Variants in SP1 observed in about 807,000 individuals in gnomAD.
The protein encoded by SP1 is transcription factor Sp1.
A neutral mutation model predicts 66.3 loss-of-function variants in SP1; 6 were observed. That is an observed-to-expected ratio of 0.09 (90% confidence interval 0.05 to 0.18). The LOEUF (loss-of-function observed/expected upper bound fraction) is 0.18, where lower values mean the gene tolerates loss of function less well. Ranked by LOEUF, SP1 falls within the 10% of genes least tolerant of loss-of-function variation. SP1 has a pLI of 1.00. For missense variants in SP1, 848 were observed against 964.5 expected (o/e 0.88, Z 1.60); for synonymous variants, 417 against 360.8 (o/e 1.16, Z -1.77).
intron 3 of SP1, among the ~76,000 whole-genome samples, chr12:53,385,774 G>C (rs981891899): frequency 6.6e-6 from 1 of 151,266 alleles, no homozygotes; most frequent in African/African-American, 2.4e-5. Flanking sequence ...TTAGCCGGGC[G>C]TGGTGGTACA....
chr12:53,384,487 G>A (rs746192531), intron 3 of SP1, among the ~76,000 whole-genome samples: 1 of 151,588 alleles, frequency 6.6e-6, no homozygotes, highest in Non-Finnish European at 1.5e-5. Context: ...GTTTTGCTAT[G>A]TTGGCCAGGC....
chr12:53,409,222 CA>C (rs577949975), intron 4 of SP1, 139 bp from the exon 5 acceptor site: 8 of 696,514 alleles, frequency 1.1e-5, no homozygotes, highest in African/African-American at 3.6e-5. Context: ...GAGACTCTCT[CA>C]AAAAAACAAA....
chr12:53,380,732 C>T, intron 1 of SP1: 5 of 663,806 alleles, frequency 7.5e-6, no homozygotes, highest in East Asian at 1.8e-4. Flanking sequence ...CCGTAGATTT[C>T]CCTTCCCCCC....
chr12:53,389,103 A>G (rs868787038), intron 3 of SP1, among the ~76,000 whole-genome samples: 62 of 152,150 alleles, frequency 4.1e-4, no homozygotes, highest in African/African-American at 1.4e-3. Flanking sequence ...GAAATGTTGT[A>G]TGATACATGT....
intron 3 of SP1, among the ~76,000 whole-genome samples, chr12:53,388,428 T>C (rs1938276106): frequency 6.6e-6 from 1 of 152,118 alleles, no homozygotes; most frequent in Non-Finnish European, 1.5e-5. Context: ...AGAAAATGCG[T>C]GTGTGTTTCT....
chr12:53,393,702 A>G (rs1262423149), intron 3 of SP1, among the ~76,000 whole-genome samples: 5 of 151,084 alleles, frequency 3.3e-5, no homozygotes, highest in African/African-American at 4.9e-5. Flanking sequence ...GGTTCAAGCA[A>G]TTCTCTTGCC....
intron 3 of SP1, among the ~76,000 whole-genome samples, chr12:53,387,984 T>G (rs1208129455): frequency 6.6e-6 from 1 of 150,440 alleles, no homozygotes; most frequent in Non-Finnish European, 1.5e-5. Context: ...AGACTCCGTC[T>G]CAAAAAAAAA....
chr12:53,406,822 A>T (rs1391173223), intron 4 of SP1, 69 bp downstream of exon 4: 3 of 1,400,882 alleles, frequency 2.1e-6, no homozygotes, highest in South Asian at 1.3e-5. Flanking sequence ...AAGAGGAAGA[A>T]GATTAATTTT....
chr12:53,396,993 T>A (rs1441280196), intron 3 of SP1, among the ~76,000 whole-genome samples: 1 of 152,050 alleles, frequency 6.6e-6, no homozygotes, highest in African/African-American at 2.4e-5. Context: ...TTTTTTCCTT[T>A]TTCATTTACC....
chr12:53,411,205 C>G lies in SP1; in HGVS notation c.2323C>G (p.Leu775Val). 1 of 1,613,424 alleles carries G rather than the reference C, an allele frequency of 6.2e-7. No homozygotes were observed. Among genetic ancestry groups the G allele is most frequent in the Non-Finnish European group, 8.5e-7 (1 of 1,179,934 alleles). Residue 775 changes from leucine (L) to valine (V), a missense_variant, in exon 6 of 6, where the codon CTG becomes GTG. This residue lies in a region of SP1 where 73 missense variants were observed against 91.9 expected (regional missense o/e 0.79). Transcript: ENST00000327443. ...SGINVMQVAD[L>V]QSINISGNGF ...CATCAACGTCATGCAGGTGGCAGAT[C>G]TGCAGTCCATTAATATCAGTGGCAA...
intron 1 of SP1, 106 bp downstream of exon 1, chr12:53,380,404 G>T (rs1479495382): frequency 1.1e-5 from 11 of 1,002,594 alleles, no homozygotes; most frequent in Non-Finnish European, 1.5e-5. Flanking sequence ...GGCGGGAGGC[G>T]GCGGCGGCGG....
intron 3 of SP1, among the ~76,000 whole-genome samples, chr12:53,386,257 G>A (rs1400801088): frequency 1.3e-5 from 2 of 152,102 alleles, no homozygotes; most frequent in South Asian, 2.1e-4. Context: ...GGTTAGGAAG[G>A]GAGAAGGAAA....
At chr12:53,383,791 GA>G in intron 3 of SP1, among the ~76,000 whole-genome samples, 169 bp downstream of exon 3, 1 of 152,278 alleles carries the variant, frequency 6.6e-6, no homozygotes, top group East Asian at 1.9e-4. Flanking sequence ...ATTTGGAACT[GA>G]AGTAAAGGAA....
intron 3 of SP1, among the ~76,000 whole-genome samples, chr12:53,391,010 A>G (rs1938337472): frequency 6.6e-6 from 1 of 152,194 alleles, no homozygotes; most frequent in African/African-American, 2.4e-5. Flanking sequence ...TTTAAAATGT[A>G]AGATGAACAT....
intron 3 of SP1, among the ~76,000 whole-genome samples, chr12:53,401,392 A>G (rs1010074013): frequency 1.4e-5 from 2 of 148,070 alleles, no homozygotes; most frequent in African/African-American, 5.0e-5. Context: ...TGGAGGTTGC[A>G]TTGAGCCAAG....
At chr12:53,386,637 G>A (rs1380769517) in intron 3 of SP1, among the ~76,000 whole-genome samples, 3 of 151,232 alleles carry the variant, frequency 2.0e-5, no homozygotes, top group African/African-American at 4.9e-5. Flanking sequence ...GATTACAGGC[G>A]TGTGCCACCA....
chr12:53,383,301 C>T lies in SP1; in HGVS notation c.1354C>T (p.Arg452Trp), dbSNP rs1938151917. ...AVPNSGPIII[R>W]TPTVGPNGQV... ...TCCAAACTCTGGTCCCATCATCATCCGGACACCAACAGTGGGGCCCAATGG... is the reference window on the plus strand; with the variant it reads ...TCCAAACTCTGGTCCCATCATCATCTGGACACCAACAGTGGGGCCCAATGG... Residue 452 changes from arginine (R) to tryptophan (W), a missense_variant, in exon 3 of 6, where the codon CGG becomes TGG. Around this residue, in one of 7 missense-constraint regions of SP1, gnomAD observed 606 missense variants for 589.9 expected, o/e 1.03. Coordinates refer to ENST00000327443, the MANE Select transcript of SP1 (RefSeq NM_138473.3). The T allele has an allele frequency of 6.2e-7, 1 of 1,614,088 alleles. No homozygotes were observed. The highest frequency in any genetic ancestry group is 1.3e-5 in the African/African-American group (1 of 74,928).
chr12:53,400,153 A>G (rs1444809920), intron 3 of SP1, among the ~76,000 whole-genome samples: 1 of 152,176 alleles, frequency 6.6e-6, no homozygotes, highest in African/African-American at 2.4e-5. Context: ...CCTCTTGCCC[A>G]TTGGCAGCCA....
At chr12:53,392,549 G>A (rs1444337488) in intron 3 of SP1, among the ~76,000 whole-genome samples, 1 of 151,166 alleles carries the variant, frequency 6.6e-6, no homozygotes, top group African/African-American at 2.4e-5. Flanking sequence ...AGTAGAGACG[G>A]GGTTTCACCG....
Sources: allele counts gnomAD v4.1 joint callset (sites outside exome capture counted in the v4.1 genomes callset), GRCh38; gene constraint gnomAD v4.1.1; regional missense constraint gnomAD v4.1.1; transcripts MANE v1.5; gene names NCBI Gene and HGNC (gene_info 2026-07-23, HGNC 2026-07-21).